Variants in CCND2 observed in about 807,000 individuals in gnomAD.
CCND2 encodes cyclin D2, also known as G1/S-specific cyclin-D2.
CCND2 carries 6 observed loss-of-function variants against 30.2 expected under a neutral mutation model. The observed-to-expected ratio is 0.20, with a 90% confidence interval of 0.11 to 0.39. CCND2 has a LOEUF of 0.39. Ranked by LOEUF, CCND2 falls within the 10% of genes least tolerant of loss-of-function variation. The pLI is 1.00. For synonymous variants in CCND2, 150 were observed against 153.1 expected (o/e 0.98, Z 0.15); for missense variants, 235 against 373.4 (o/e 0.63, Z 3.06).
chr12:4,280,690 G>A (rs1863936689), intron 3 of CCND2, among the ~76,000 whole-genome samples: 1 of 151,886 alleles, frequency 6.6e-6, no homozygotes, highest in Non-Finnish European at 1.5e-5. Flanking sequence ...TTCACTGTGG[G>A]GGAGGGGTCA....
chr12:4,275,860 T>TC (rs1785655691), intron 1 of CCND2, 145 bp from the exon 2 acceptor site: 1 of 573,548 alleles, frequency 1.7e-6, no homozygotes, highest in Admixed American at 3.1e-5. Flanking sequence ...TTTATTCTTA[T>TC]CACGCATTCT....
rs1173497860 is a variant in CCND2, at chr12:4,299,658, A to G, written c.721-202A>G. ...TGCGGTTCCAACAAGCTCGCAGGTG[A>G]TGCTGATGCTGCCAGCCCATGGACC... On this transcript the variant is annotated intron_variant, in intron 4 of 4. Transcript: ENST00000261254. The surrounding 1 kb of genome is among the most constrained non-coding windows in gnomAD (Gnocchi z 5.2). Among the ~76,000 whole-genome samples the G allele has an allele frequency of 6.6e-6, 1 of 152,210 alleles. No homozygotes were observed. The highest frequency in any genetic ancestry group is 1.5e-5 in the Non-Finnish European group (1 of 68,032).
At chr12:4,292,535 A>G (rs893135682) in intron 4 of CCND2, among the ~76,000 whole-genome samples, 4 of 152,194 alleles carry the variant, frequency 2.6e-5, no homozygotes, top group African/African-American at 9.6e-5. Flanking sequence ...GGCCAGGAGC[A>G]GATAGCTTTG....
At chr12:4,280,793 C>CT (rs1357568529) in intron 3 of CCND2, among the ~76,000 whole-genome samples, 1 of 152,278 alleles carries the variant, frequency 6.6e-6, no homozygotes, top group African/African-American at 2.4e-5. Flanking sequence ...CTGCTCAACA[C>CT]TGTCTCTTGA....
rs1179348353 is a variant in CCND2, at chr12:4,293,443, A to C, written c.720+4453A>C. Among the ~76,000 whole-genome samples, 1 of 152,240 alleles carries C rather than the reference A, an allele frequency of 6.6e-6. No homozygotes were observed. Among genetic ancestry groups the C allele is most frequent in the Non-Finnish European group, 1.5e-5 (1 of 68,044 alleles). On this transcript the variant is annotated intron_variant, in intron 4 of 4. Coordinates refer to ENST00000261254, the MANE Select transcript of CCND2 (RefSeq NM_001759.4). The surrounding 1 kb of genome is among the most constrained non-coding windows in gnomAD (Gnocchi z 4.9). Reference sequence around the variant, plus strand: ...ACAAAACTTTAGATTCAGGGGATCCATGTGCGGTTTGTTACGTGGATATAT... The same window carrying C: ...ACAAAACTTTAGATTCAGGGGATCCCTGTGCGGTTTGTTACGTGGATATAT...
At position 4,282,859 on chromosome 12, in the gene CCND2, C is replaced by T. The variant is rs1323952483; in HGVS notation, c.571+3940C>T. Among the ~76,000 whole-genome samples the T allele has an allele frequency of 6.6e-6, 1 of 152,210 alleles. No homozygotes were observed. Among genetic ancestry groups the T allele is most frequent in the Non-Finnish European group, 1.5e-5 (1 of 68,032 alleles). On this transcript the variant is annotated intron_variant, in intron 3 of 4. Coordinates refer to ENST00000261254, the MANE Select transcript of CCND2 (RefSeq NM_001759.4). The surrounding 1 kb of genome is among the most constrained non-coding windows in gnomAD (Gnocchi z 4.3). ...GGGGGTGGCAGATGAGGTGCGTGCC[C>T]AGTGACGTCCCTGGCCTGTGAACAC...
At chr12:4,295,168 G>A (rs528049558) in intron 4 of CCND2, among the ~76,000 whole-genome samples, 1 of 152,348 alleles carries the variant, frequency 6.6e-6, no homozygotes, top group African/African-American at 2.4e-5. Context: ...CTCATGGAAG[G>A]GAGAGGCCAA....
rs997389266 is a variant in CCND2 at position 4,276,726 on chromosome 12, T to C, written c.411+506T>C. Among the ~76,000 whole-genome samples the C allele has an allele frequency of 1.3e-5, 2 of 152,212 alleles. No individual in the cohort carries two copies. Among genetic ancestry groups the C allele is most frequent in the African/African-American group, 4.8e-5 (2 of 41,438 alleles). Reference sequence around the variant, plus strand: ...TTCACTAAATATCAGTTCATTGACTTTTGAGCAAAGTCAAAATGTGGCCTT... The same window carrying C: ...TTCACTAAATATCAGTTCATTGACTCTTGAGCAAAGTCAAAATGTGGCCTT... On this transcript the variant is annotated intron_variant, in intron 2 of 4. Transcript: ENST00000261254. This position sits in a 1 kb window ranked among gnomAD's most constrained non-coding sequence, Gnocchi z 4.8.
chr12:4,300,421 C>T lies in CCND2; in HGVS notation c.*412C>T, dbSNP rs539437467. 2.6e-4 allele frequency: 61 copies of T among 238,764 alleles called. 1 individual carries two copies. In the South Asian group the frequency reaches 9.8e-3, roughly 38 times the overall value. 14.8% of individuals were successfully genotyped at this position (238,764 alleles called of 1,614,324 possible). On this transcript the variant is annotated 3_prime_UTR_variant, in exon 5 of 5. Coordinates refer to ENST00000261254, the MANE Select transcript of CCND2 (RefSeq NM_001759.4). The stretch of plus-strand genomic sequence containing the variant: ...TAGTATAATTTCAAGGAACTGTGTA[C>T]GCCATTTATGGCATGATTAGATTGC...
chr12:4,304,909 C>G lies in CCND2; in HGVS notation c.*4900C>G, dbSNP rs1267920527. 1 of 233,562 alleles carries G rather than the reference C, an allele frequency of 4.3e-6. No individual in the cohort carries two copies. Among genetic ancestry groups the G allele is most frequent in the Non-Finnish European group, 8.5e-6 (1 of 118,048 alleles). 14.5% of individuals were successfully genotyped at this position (233,562 alleles called of 1,614,324 possible). ...TGGATTTTTTCCATTATGTTCATCA[C>G]CCTTATATCATGTACCTCAGATCTC... is the stretch of plus-strand genomic sequence containing the variant. On this transcript the variant is annotated 3_prime_UTR_variant, in exon 5 of 5. Coordinates refer to ENST00000261254, the MANE Select transcript of CCND2 (RefSeq NM_001759.4). This position sits in a 1 kb window ranked among gnomAD's most constrained non-coding sequence, Gnocchi z 6.2.
In CCND2 at chr12:4,304,671, T is replaced by C. The variant is rs1011009687; in HGVS notation, c.*4662T>C. 4.3e-6 allele frequency: 1 copy of C among 233,568 alleles called. No homozygotes were observed. Among genetic ancestry groups the C allele is most frequent in the African/African-American group, 2.2e-5 (1 of 45,322 alleles). 14.5% of individuals were successfully genotyped at this position (233,568 alleles called of 1,614,324 possible). On this transcript the variant is annotated 3_prime_UTR_variant, in exon 5 of 5. Coordinates refer to ENST00000261254, the MANE Select transcript of CCND2 (RefSeq NM_001759.4). The surrounding 1 kb of genome is among the most constrained non-coding windows in gnomAD (Gnocchi z 6.2). ...CAGGTTTTGAGAAGCCATCAGCAAA[T>C]GTGTACGTGCATGCTGTAGCTGCAG...
rs756247689 is a variant in CCND2, at chr12:4,299,904, C to T, written c.765C>T (p.Leu255=). Residue 255 remains leucine, a synonymous_variant, in exon 5 of 5, where the codon CTC becomes CTT. Transcript: ENST00000261254. This position sits in a 1 kb window ranked among gnomAD's most constrained non-coding sequence, Gnocchi z 5.2. ...ACQEQIEAVL[L]NSLQQYRQDQ... ...AGGAGCAGATTGAGGCGGTGCTCCT[C>T]AATAGCCTGCAGCAGTACCGTCAGG... The T allele has an allele frequency of 6.8e-6, 11 of 1,614,026 alleles. No individual in the cohort carries two copies. Among genetic ancestry groups the T allele is most frequent in the Non-Finnish European group, 9.3e-6 (11 of 1,180,028 alleles).
In CCND2 at chr12:4,285,948, T is replaced by G. The variant is rs1406463558; in HGVS notation, c.572-2894T>G. On this transcript the variant is annotated intron_variant, in intron 3 of 4. Coordinates refer to ENST00000261254, the MANE Select transcript of CCND2 (RefSeq NM_001759.4). The surrounding 1 kb of genome is among the most constrained non-coding windows in gnomAD (Gnocchi z 4.1). ...GGCTGGTAGACACCGTGATCCATTC[T>G]ATTGTCTCCTCATTGTTCTTCTCCT... 1.3e-5 allele frequency among the ~76,000 whole-genome samples: 2 copies of G among 152,170 alleles called. No individual in the cohort carries two copies. The highest frequency in any genetic ancestry group is 4.8e-5 in the African/African-American group (2 of 41,434).
At chr12:4,296,365 G>C (rs1186674020) in intron 4 of CCND2, among the ~76,000 whole-genome samples, 1 of 152,254 alleles carries the variant, frequency 6.6e-6, no homozygotes, top group Non-Finnish European at 1.5e-5. Context: ...TGAGGAGCAA[G>C]GTCTTCCACA....
chr12:4,297,155 C>CA (rs1320123910), intron 4 of CCND2, among the ~76,000 whole-genome samples: 1 of 107,474 alleles, frequency 9.3e-6, no homozygotes, highest in African/African-American at 3.4e-5. Context: ...GCAGTTCTGA[C>CA]CGTTGTCACT....
In CCND2 at chr12:4,276,099, A is replaced by G; in HGVS notation, c.290A>G (p.His97Arg). 1 of 1,613,416 alleles carries G rather than the reference A, an allele frequency of 6.2e-7. No homozygotes were observed. Among genetic ancestry groups the G allele is most frequent in the South Asian group, 1.1e-5 (1 of 91,066 alleles). ...GCTGGGGTCCCGACTCCGAAGTCCC[A>G]TCTGCAACTCCTGGGTGCTGTCTGC... ...FLAGVPTPKS[H>R]LQLLGAVCMF... The change falls in exon 2 of 5, where the codon CAT (histidine) becomes CGT (arginine). Residue 97 changes from histidine (H) to arginine (R), a missense_variant. By Grantham distance (29) the His-to-Arg change is conservative. This residue lies in a region of CCND2 where 178 missense variants were observed against 322.8 expected (regional missense o/e 0.55). Coordinates refer to ENST00000261254, the MANE Select transcript of CCND2 (RefSeq NM_001759.4). This position sits in a 1 kb window ranked among gnomAD's most constrained non-coding sequence, Gnocchi z 4.8.
At chr12:4,296,226 G>A (rs779285359) in intron 4 of CCND2, among the ~76,000 whole-genome samples, 1 of 152,238 alleles carries the variant, frequency 6.6e-6, no homozygotes, top group African/African-American at 2.4e-5. Flanking sequence ...GATGGCCATG[G>A]AGTCCCAAGT....
chr12:4,276,014 G>A lies in CCND2; in HGVS notation c.205G>A (p.Glu69Lys). Residue 69 changes from glutamate to lysine, a missense_variant, in exon 2 of 5, where the codon GAA (glutamate) becomes AAA (lysine). By Grantham distance (56) the Glu-to-Lys change is moderately conservative (BLOSUM62 1). Around this residue, in one of 2 missense-constraint regions of CCND2, gnomAD observed 178 missense variants for 322.8 expected, o/e 0.55. Transcript: ENST00000261254. This position sits in a 1 kb window ranked among gnomAD's most constrained non-coding sequence, Gnocchi z 4.8. ...CCCACTCCCATTATAGGTCTGTGAG[G>A]AACAGAAGTGCGAAGAAGAGGTCTT... The part of the protein sequence containing the change: ...VATWMLEVCE[E>K]QKCEEEVFPL... The A allele has an allele frequency of 1.2e-6, 2 of 1,609,244 alleles. No homozygotes were observed. The highest frequency in any genetic ancestry group is 1.7e-6 in the Non-Finnish European group (2 of 1,176,878).
chr12:4,298,190 C>T (rs1864200592), intron 4 of CCND2, among the ~76,000 whole-genome samples: 1 of 152,180 alleles, frequency 6.6e-6, no homozygotes, highest in Non-Finnish European at 1.5e-5. Context: ...TAGGTGCCAC[C>T]TGCAAGTATA....
Sources: allele counts gnomAD v4.1 joint callset (sites outside exome capture counted in the v4.1 genomes callset), GRCh38; gene constraint gnomAD v4.1.1; regional missense constraint gnomAD v4.1.1; non-coding constraint Gnocchi (gnomAD v3.1); transcripts MANE v1.5; gene names NCBI Gene and HGNC (gene_info 2026-07-23, HGNC 2026-07-21).